Variants in DLC1 observed in about 807,000 individuals in gnomAD.
DLC1 encodes rho GTPase-activating protein 7.
Under a neutral mutation model 140.3 loss-of-function variants are expected in DLC1, and 54 were observed. The ratio of observed to expected loss-of-function variants is 0.38; its 90% CI spans 0.31 to 0.48. The LOEUF (loss-of-function observed/expected upper bound fraction) is 0.48. Ranked by LOEUF, DLC1 falls within the 20% of genes least tolerant of loss-of-function variation. The pLI, the probability that DLC1 is intolerant of heterozygous loss-of-function variation, is 0.96. For missense variants in DLC1, 2,536 were observed against 1,907.0 expected, an observed-to-expected ratio of 1.33 and a Z score of -6.14; for synonymous variants, 986 against 728.1, an observed-to-expected ratio of 1.35 and a Z score of -5.70.
rs759031062 is a variant in DLC1, at chr8:13,085,778, A to G, written c.*33T>C. The G allele has an allele frequency of 9.3e-6, 15 of 1,613,668 alleles. No homozygotes were observed. The highest frequency in any genetic ancestry group is 1.6e-4 in the Middle Eastern group (1 of 6,062). ...GGCAAAAGTTCTAGAAACAAACACC[A>G]TGGTGGTGGAAGCGGTTGCGTTGCT... On this transcript the variant is annotated 3_prime_UTR_variant, in exon 18 of 18. Coordinates refer to ENST00000276297, the MANE Select transcript of DLC1 (RefSeq NM_182643.3).
intron 2 of DLC1, among the ~76,000 whole-genome samples, chr8:13,425,967 C>T (rs1228991163): frequency 6.6e-6 from 1 of 152,062 alleles, no homozygotes; most frequent in African/African-American, 2.4e-5. Flanking sequence ...CATGCACCAC[C>T]ACATCTGGCT....
At chr8:13,364,143 A>G (rs1478931703) in intron 4 of DLC1, among the ~76,000 whole-genome samples, 1 of 152,162 alleles carries the variant, frequency 6.6e-6, no homozygotes, top group African/African-American at 2.4e-5. Flanking sequence ...CCAGAGAACA[A>G]CTAAGAAGAA....
chr8:13,598,708 T>C (rs1012965014), intron 1 of DLC1, among the ~76,000 whole-genome samples: 22 of 152,090 alleles, frequency 1.4e-4, no homozygotes, highest in African/African-American at 5.1e-4. Flanking sequence ...TTTGTAACTT[T>C]GCTTTAATAA....
chr8:13,314,230 CATATAT>C (rs1278693038), intron 4 of DLC1, among the ~76,000 whole-genome samples: 1 of 121,972 alleles, frequency 8.2e-6, no homozygotes, highest in Non-Finnish European at 1.8e-5. Context: ...ATATATTACA[CATATAT>C]TTATAATATA....
intron 5 of DLC1, among the ~76,000 whole-genome samples, chr8:13,187,147 C>T (rs1456407427): frequency 1.0e-5 from 1 of 97,512 alleles, no homozygotes; most frequent in African/African-American, 3.3e-5. Context: ...CTCTTCCCTG[C>T]TTTACTTTTT....
intron 1 of DLC1, among the ~76,000 whole-genome samples, chr8:13,528,642 C>T (rs1371508174): frequency 2.6e-5 from 4 of 152,082 alleles, no homozygotes; most frequent in Non-Finnish European, 5.9e-5. Context: ...CTTATGTAGA[C>T]AAATGAATCA....
At chr8:13,137,683 C>T (rs1266735371) in intron 5 of DLC1, among the ~76,000 whole-genome samples, 1 of 150,550 alleles carries the variant, frequency 6.6e-6, no homozygotes, top group Admixed American at 6.6e-5. Context: ...CTCCCTACAA[C>T]CTCCGCCTCT....
chr8:13,311,204 C>A (rs953393793), intron 4 of DLC1, among the ~76,000 whole-genome samples: 2 of 152,106 alleles, frequency 1.3e-5, no homozygotes, highest in African/African-American at 4.8e-5. Context: ...GACGTTGAGA[C>A]CCAGACAGGT....
At chr8:13,086,022 C>T in intron 17 of DLC1, 91 bp from the exon 18 acceptor site, 2 of 1,537,070 alleles carry the variant, frequency 1.3e-6, no homozygotes, top group Admixed American at 2.0e-5. Context: ...AGTTCAAATG[C>T]ATAAAATCTA....
chr8:13,092,404 G>C (rs1253382925), intron 13 of DLC1, among the ~76,000 whole-genome samples: 2 of 152,168 alleles, frequency 1.3e-5, no homozygotes, highest in African/African-American at 4.8e-5. Flanking sequence ...TTGTCTGTGG[G>C]GGTTAAGTCC....
chr8:13,387,112 C>A lies in DLC1; in HGVS notation c.1314+6441G>T, dbSNP rs562863847. Among the ~76,000 whole-genome samples the A allele has an allele frequency of 2.6e-5, 4 of 152,050 alleles. No individual in the cohort carries two copies. The East Asian group carries it at 7.7e-4, about 29-fold the overall frequency. ...CTTCCCTTAAAAATTCCATGTATAT[C>A]GTTTTTTCCTTTAGTATGTTGACTG... On this transcript the variant is annotated intron_variant, in intron 4 of 17. Coordinates refer to ENST00000276297, the MANE Select transcript of DLC1 (RefSeq NM_182643.3).
chr8:13,158,744 CCCCG>C lies in DLC1; in HGVS notation c.1349-43091_1349-43088del, dbSNP rs1334955918. On this transcript the variant is annotated intron_variant, in intron 5 of 17. Coordinates refer to ENST00000276297, the MANE Select transcript of DLC1 (RefSeq NM_182643.3). Reference sequence around the variant, plus strand: ...CACAACCACCACCCTCCCCCCCCCCCCCCGCCCGCCACACATCTCTCCTCTTTTT... The same window carrying C: ...CACAACCACCACCCTCCCCCCCCCCCCCCGCCACACATCTCTCCTCTTTTT... Among the ~76,000 whole-genome samples the C allele has an allele frequency of 7.6e-4, 72 of 94,442 alleles. 3 individuals are homozygous for C. Among genetic ancestry groups the C allele is most frequent in the Admixed American group, 1.3e-3 (13 of 10,300 alleles). 62.0% of individuals were successfully genotyped at this position (94,442 alleles called of 152,430 possible). A position where few individuals can be genotyped will look rare whatever the true frequency, so the allele number is the denominator to read the frequency against.
chr8:13,505,892 G>C (rs1443813567), intron 1 of DLC1, among the ~76,000 whole-genome samples: 1 of 152,232 alleles, frequency 6.6e-6, no homozygotes, highest in East Asian at 1.9e-4. Flanking sequence ...CATATAAATA[G>C]CATTACATTA....
chr8:13,533,858 T>C (rs1460161555), intron 1 of DLC1, among the ~76,000 whole-genome samples: 1 of 152,156 alleles, frequency 6.6e-6, no homozygotes, highest in Non-Finnish European at 1.5e-5. Context: ...TTTCTTGCTC[T>C]CTCTCTTTCC....
At chr8:13,226,820 G>A (rs1828813528) in intron 5 of DLC1, among the ~76,000 whole-genome samples, 1 of 152,166 alleles carries the variant, frequency 6.6e-6, no homozygotes, top group African/African-American at 2.4e-5. Context: ...AAAATGCTTA[G>A]CTTTTGACCT....
chr8:13,155,092 C>G (rs1177917639), intron 5 of DLC1, among the ~76,000 whole-genome samples: 1 of 149,038 alleles, frequency 6.7e-6, no homozygotes, highest in Non-Finnish European at 1.5e-5. Flanking sequence ...CACCCTTTTT[C>G]TTCACTAATT....
intron 1 of DLC1, among the ~76,000 whole-genome samples, chr8:13,528,930 A>G (rs1239648964): frequency 6.6e-6 from 1 of 152,192 alleles, no homozygotes; most frequent in East Asian, 1.9e-4. Flanking sequence ...AGTTCTTAAG[A>G]GAAGACTGTT....
chr8:13,172,557 T>C (rs1195709192), intron 5 of DLC1, among the ~76,000 whole-genome samples: 2 of 152,238 alleles, frequency 1.3e-5, no homozygotes, highest in Non-Finnish European at 2.9e-5. Flanking sequence ...TCCCTTTTAC[T>C]AATGCTGCAA....
At chr8:13,316,888 A>G (rs1172261316) in intron 4 of DLC1, among the ~76,000 whole-genome samples, 1 of 152,076 alleles carries the variant, frequency 6.6e-6, no homozygotes, top group Non-Finnish European at 1.5e-5. Flanking sequence ...AAATAATCTT[A>G]TGTTAAGGGT....
Sources: gnomAD v4.1 joint callset for allele counts (sites outside exome capture counted in the v4.1 genomes callset) on GRCh38, gnomAD v4.1.1 for gene constraint, MANE v1.5 for transcripts, NCBI Gene and HGNC (gene_info 2026-07-23, HGNC 2026-07-21) for gene names.